Variants in USP6 observed in about 807,000 individuals in gnomAD.
The protein encoded by USP6 is ubiquitin carboxyl-terminal hydrolase 6.
In USP6, 128 loss-of-function variants were observed where a neutral mutation model predicts 175.7. That is an observed-to-expected ratio of 0.73 (90% confidence interval 0.63 to 0.84). The LOEUF (loss-of-function observed/expected upper bound fraction) is 0.84. Among genes scored for constraint, USP6 ranks in the 40% least tolerant of loss-of-function variants. The probability of loss-of-function intolerance (pLI) is 0.00; values close to 1 mark genes in which losing one functional copy is unlikely to be tolerated. For synonymous variants in USP6, 562 were observed against 630.6 expected (o/e 0.89, Z 1.63); for missense variants, 1,498 against 1,760.3 (o/e 0.85, Z 2.67).
rs1489733244 is a variant in USP6 at position 5,130,067 on chromosome 17, C to T, written c.-24C>T. 10 of 398,746 alleles carry T rather than the reference C, an allele frequency of 2.5e-5. No individual in the cohort carries two copies. The highest frequency in any genetic ancestry group is 2.0e-4 in the African/African-American group (10 of 49,076). The allele number at this position is 398,746 out of a possible 1,614,324, so 24.7% of individuals were successfully genotyped here. A position where few individuals can be genotyped will look rare whatever the true frequency, so the allele number is the denominator to read the frequency against. On this transcript the variant is annotated 5_prime_UTR_variant, in exon 9 of 38. Coordinates refer to ENST00000574788, the MANE Select transcript of USP6 (RefSeq NM_001304284.2). ...AGGCTCTTCACCCTTGGCAGGTGGA[C>T]ACCATTCAACCTGCCGGGGCAGGTG...
At chr17:5,164,525 C>T (rs532427082) in intron 33 of USP6, among the ~76,000 whole-genome samples, 1 of 152,356 alleles carries the variant, frequency 6.6e-6, no homozygotes, top group East Asian at 1.9e-4. Context: ...AATTATTTGG[C>T]TCTATAAATC....
chr17:5,134,690 A>T (rs2073193694), intron 15 of USP6: 1 of 187,362 alleles, frequency 5.3e-6, no homozygotes, highest in Admixed American at 5.3e-5. Flanking sequence ...GCCTGCACGA[A>T]CGTGGGTGGA....
In USP6 at chr17:5,121,252, T is replaced by C. The variant is rs144724830; in HGVS notation, c.-1674-123T>C. ...CCAACGTGGGTGCAGAGGGTCTTTG[T>C]GTGCAGGTGCCTTTGGGGCCCCATA... is the stretch of plus-strand genomic sequence containing the variant. On this transcript the variant is annotated intron_variant, in intron 3 of 37. Coordinates refer to ENST00000574788, the MANE Select transcript of USP6 (RefSeq NM_001304284.2). 5.4e-5 allele frequency: 20 copies of C among 370,796 alleles called. No homozygotes were observed. The East Asian group carries it at 1.5e-3, about 27-fold the overall frequency. The allele number at this position is 370,796 out of a possible 1,614,324, so 23.0% of individuals were successfully genotyped here.
intron 30 of USP6, among the ~76,000 whole-genome samples, chr17:5,150,320 AAAT>A (rs1032822031): frequency 3.3e-5 from 5 of 149,724 alleles, no homozygotes; most frequent in African/African-American, 1.2e-4. Flanking sequence ...ATAAATAAAT[AAAT>A]AAATAAATAA....
chr17:5,130,012 C>T lies in USP6; in HGVS notation c.-79C>T, dbSNP rs538706558. 2.3e-5 allele frequency: 7 copies of T among 303,616 alleles called. No homozygotes were observed. In the East Asian group the frequency reaches 4.6e-4, roughly 20 times the overall value. 18.8% of individuals were successfully genotyped at this position (303,616 alleles called of 1,614,324 possible). The stretch of plus-strand genomic sequence containing the variant: ...AGACCTCTGGTGCCTGACCGCAGTT[C>T]ACATCCACATCCCTGGAATAGACCA... On this transcript the variant is annotated 5_prime_UTR_variant, in exon 9 of 38. Coordinates refer to ENST00000574788, the MANE Select transcript of USP6 (RefSeq NM_001304284.2).
chr17:5,138,522 C>G (rs1013766786), intron 21 of USP6, among the ~76,000 whole-genome samples: 1 of 152,142 alleles, frequency 6.6e-6, no homozygotes, highest in Non-Finnish European at 1.5e-5. Context: ...AGCCCCCTCC[C>G]ACTTTCCACG....
At chr17:5,170,381 T>C in intron 35 of USP6, 98 bp from the exon 36 acceptor site, 1 of 1,510,674 alleles carries the variant, frequency 6.6e-7, no homozygotes. Context: ...TTTACCTTTG[T>C]GTGTACAGTT....
chr17:5,117,335 G>T (rs994940588), intron 1 of USP6, among the ~76,000 whole-genome samples: 1 of 152,108 alleles, frequency 6.6e-6, no homozygotes, highest in East Asian at 1.9e-4. Context: ...GACCAACATG[G>T]TGAAACCCCC....
At chr17:5,161,881 G>A (rs1360530004) in intron 32 of USP6, among the ~76,000 whole-genome samples, 2 of 152,090 alleles carry the variant, frequency 1.3e-5, no homozygotes, top group South Asian at 2.1e-4. Flanking sequence ...GCATGGTGGT[G>A]TGTGCCTGTA....
At chr17:5,118,116 T>G (rs1461466994) in intron 1 of USP6, 84 bp from the exon 2 acceptor site, 1 of 152,188 alleles carries the variant, frequency 6.6e-6, no homozygotes, top group Non-Finnish European at 1.5e-5. Flanking sequence ...GGCAGATTAC[T>G]GGCTAGCATT....
At position 5,132,906 on chromosome 17, in the gene USP6, A is replaced by G; in HGVS notation, c.196-4A>G. On this transcript the variant is annotated splice_region_variant and splice_polypyrimidine_tract_variant and intron_variant, in intron 12 of 37. Transcript: ENST00000574788. The surrounding 1 kb of genome is among the most constrained non-coding windows in gnomAD (Gnocchi z 4.7). ...CACTAACTCCAACATGCCTCATTTG[A>G]CAGAAAATTCGGCGGGAGATGACAC... 6.2e-7 allele frequency: 1 copy of G among 1,614,144 alleles called. No homozygotes were observed. The highest frequency in any genetic ancestry group is 8.5e-7 in the Non-Finnish European group (1 of 1,180,004).
At chr17:5,135,335 G>A (rs1387907547) in intron 16 of USP6, 53 bp downstream of exon 16, 1 of 1,599,518 alleles carries the variant, frequency 6.3e-7, no homozygotes, top group Middle Eastern at 1.7e-4. Flanking sequence ...ATTCACAGGA[G>A]TGGGTGTCTG....
At chr17:5,150,034 C>T (rs1428816061) in intron 30 of USP6, among the ~76,000 whole-genome samples, 3 of 152,090 alleles carry the variant, frequency 2.0e-5, no homozygotes, top group African/African-American at 7.2e-5. Context: ...TGGCTCATGC[C>T]TGTAATCCCA....
chr17:5,125,809 C>G lies in USP6; in HGVS notation c.-591-12C>G, dbSNP rs1267345815. 1 of 152,126 alleles carries G rather than the reference C, an allele frequency of 6.6e-6. No homozygotes were observed. Among genetic ancestry groups the G allele is most frequent in the Non-Finnish European group, 1.5e-5 (1 of 68,086 alleles). 9.4% of individuals were successfully genotyped at this position (152,126 alleles called of 1,614,324 possible). A position where few individuals can be genotyped will look rare whatever the true frequency, so the allele number is the denominator to read the frequency against. On this transcript the variant is annotated splice_polypyrimidine_tract_variant and intron_variant, in intron 5 of 37. Coordinates refer to ENST00000574788, the MANE Select transcript of USP6 (RefSeq NM_001304284.2). The stretch of plus-strand genomic sequence containing the variant: ...TGTTTTTTTGAGATGGAATTTCACT[C>G]TTGTTGCCTAGGCTGGAGTGCAATG...
chr17:5,160,882 A>G (rs1404219602), intron 31 of USP6, among the ~76,000 whole-genome samples: 1 of 152,192 alleles, frequency 6.6e-6, no homozygotes, highest in East Asian at 1.9e-4. Context: ...CATCCTCTCC[A>G]GCACCTGTTG....
chr17:5,120,266 G>A (rs2072623108), intron 2 of USP6, among the ~76,000 whole-genome samples: 1 of 152,114 alleles, frequency 6.6e-6, no homozygotes, highest in South Asian at 2.1e-4. Context: ...CTGTGGGGTT[G>A]GTGGTGGGGG....
chr17:5,123,919 GCACACACACACA>G (rs150315519), intron 4 of USP6, among the ~76,000 whole-genome samples: 9 of 150,198 alleles, frequency 6.0e-5, no homozygotes, highest in African/African-American at 2.0e-4. Flanking sequence ...ACACACACAC[GCACACACACACA>G]CACACACGTG....
chr17:5,147,693 G>A (rs1223474457), intron 29 of USP6, among the ~76,000 whole-genome samples: 1 of 152,120 alleles, frequency 6.6e-6, no homozygotes. Flanking sequence ...AGATAGTCCT[G>A]ACGGTGAGTT....
chr17:5,129,941 T>A lies in USP6; in HGVS notation c.-150T>A. On this transcript the variant is annotated 5_prime_UTR_variant, in exon 9 of 38. Coordinates refer to ENST00000574788, the MANE Select transcript of USP6 (RefSeq NM_001304284.2). ...AGAGATCTTGTTCCCCGTAGGAAAC[T>A]GGGCATCTCTGTGGCCCTGAACATC... 4.5e-6 allele frequency: 1 copy of A among 224,414 alleles called. No homozygotes were observed. Among genetic ancestry groups the A allele is most frequent in the Middle Eastern group, 1.7e-3 (1 of 590 alleles). The allele number at this position is 224,414 out of a possible 1,614,324, so 13.9% of individuals were successfully genotyped here. A position where few individuals can be genotyped will look rare whatever the true frequency, so the allele number is the denominator to read the frequency against.
Sources: allele counts gnomAD v4.1 joint callset (sites outside exome capture counted in the v4.1 genomes callset), GRCh38; gene constraint gnomAD v4.1.1; non-coding constraint Gnocchi (gnomAD v3.1); transcripts MANE v1.5; gene names NCBI Gene and HGNC (gene_info 2026-07-23, HGNC 2026-07-21).